The following HSPA1L variants were observed in gnomAD, a reference collection of about 807,000 sequenced individuals.
The protein encoded by HSPA1L is heat shock protein family A (Hsp70) member 1 like, also known as heat shock 70 kDa protein 1-like.
A neutral mutation model predicts 31.5 loss-of-function variants in HSPA1L; 21 were observed. The ratio of observed to expected loss-of-function variants is 0.67; its 90% CI spans 0.47 to 0.96. The LOEUF (loss-of-function observed/expected upper bound fraction) is 0.96. Ranked by LOEUF, HSPA1L falls within the 40% of genes least tolerant of loss-of-function variation. The pLI is 0.00. For synonymous variants in HSPA1L, 293 were observed against 323.1 expected (o/e 0.91, Z 1.00); for missense variants, 709 against 813.4 (o/e 0.87, Z 1.56).
chr6:31,811,150 T>C lies in HSPA1L; in HGVS notation c.823A>G (p.Thr275Ala). The change falls in exon 2 of 2, where the codon ACC becomes GCC. Residue 275 changes from threonine to alanine, a missense_variant. Physicochemically the swap from Thr to Ala is moderately conservative, Grantham distance 58. Coordinates refer to ENST00000375654, the MANE Select transcript of HSPA1L (RefSeq NM_005527.4). ...LRTACERAKR[T>A]LSSSTQANLE... The stretch of plus-strand genomic sequence containing the variant: ...TTGGCCTGGGTGCTGGACGACAGGG[T>C]CCTCTTGGCCCTCTCGCAGGCGGTG... 1 of 1,614,168 alleles carries C rather than the reference T, an allele frequency of 6.2e-7. No homozygotes were observed. The highest frequency in any genetic ancestry group is 8.5e-7 in the Non-Finnish European group (1 of 1,180,034).
rs753615095 is a variant in HSPA1L, at chr6:31,810,057, T to C, written c.1916A>G (p.Glu639Gly). The C allele has an allele frequency of 1.4e-6, 2 of 1,415,400 alleles. No individual in the cohort carries two copies. The highest frequency in any genetic ancestry group is 1.8e-6 in the Non-Finnish European group (2 of 1,083,382). The allele number at this position is 1,415,400 out of a possible 1,614,324, so 87.7% of individuals were successfully genotyped here. The change falls in exon 2 of 2, where the codon GAA (glutamate) becomes GGA (glycine). Residue 639 changes from glutamate (E) to glycine (G), a missense_variant. Coordinates refer to ENST00000375654, the MANE Select transcript of HSPA1L (RefSeq NM_005527.4). ...GRPATGPTIEEVD is the reference protein window; with the variant it reads ...GRPATGPTIEGVD ...CAGTTCTAAAAAGAATTAATCTACT[T>C]CTTCAATTGTGGGGCCTGTGGCAGG...
chr6:31,812,110 C>T (rs1815468737), intron 1 of HSPA1L, 125 bp from the exon 2 acceptor site: 2 of 1,185,034 alleles, frequency 1.7e-6, no homozygotes, highest in Non-Finnish European at 2.3e-6. Flanking sequence ...CTCACTGCAG[C>T]TTTGATCTCC....
chr6:31,814,920 A>T lies in HSPA1L; in HGVS notation c.-45T>A, dbSNP rs1008488145. ...TCCCGACGCCTTCGCTTCAGTTTGG[A>T]AACGTCCAGATTACGCAGCCCCAGC... On this transcript the variant is annotated 5_prime_UTR_variant, in exon 1 of 2. Coordinates refer to ENST00000375654, the MANE Select transcript of HSPA1L (RefSeq NM_005527.4). 1.0e-6 allele frequency: 1 copy of T among 985,574 alleles called. No homozygotes were observed. Among genetic ancestry groups the T allele is most frequent in the Non-Finnish European group, 1.2e-6 (1 of 830,138 alleles). The allele number at this position is 985,574 out of a possible 1,614,324, so 61.1% of individuals were successfully genotyped here. A position where few individuals can be genotyped will look rare whatever the true frequency, so the allele number is the denominator to read the frequency against.
Position 31,810,742 on chromosome 6 carries a change from C to T in HSPA1L, c.1231G>A (p.Val411Met), listed in dbSNP as rs777675880. The T allele has an allele frequency of 3.3e-5, 54 of 1,613,916 alleles. No homozygotes were observed. The highest frequency in any genetic ancestry group is 4.2e-5 in the Non-Finnish European group (49 of 1,180,006). The change falls in exon 2 of 2, where the codon GTG (valine) becomes ATG (methionine). Residue 411 changes from valine to methionine, a missense_variant. By Grantham distance (21) the Val-to-Met change is conservative. Coordinates refer to ENST00000375654, the MANE Select transcript of HSPA1L (RefSeq NM_005527.4). ...TTGCGCTTTATCAGGGCAGTCATCACGCCCCCAGCCGTCTCCAGCCCCAGG... is the reference window on the plus strand; with the variant it reads ...TTGCGCTTTATCAGGGCAGTCATCATGCCCCCAGCCGTCTCCAGCCCCAGG... ...LSLGLETAGG[V>M]MTALIKRNST...
chr6:31,812,546 C>T (rs888810867), intron 1 of HSPA1L, among the ~76,000 whole-genome samples: 1 of 152,090 alleles, frequency 6.6e-6, no homozygotes, highest in East Asian at 1.9e-4. Flanking sequence ...TCTCAAACTC[C>T]TTCAGGGCTC....
chr6:31,810,839 T>C lies in HSPA1L; in HGVS notation c.1134A>G (p.Gln378=). The change falls in exon 2 of 2, where the codon CAA becomes CAG. Residue 378 remains glutamine (Q), a synonymous_variant. Transcript: ENST00000375654. ...DEAVAYGAAV[Q]AAILMGDKSE... ...ACTTGTCCCCCATCAGGATGGCTGC[T>C]TGTACCGCAGCCCCATATGCTACGG... The C allele has an allele frequency of 6.2e-7, 1 of 1,614,082 alleles. No homozygotes were observed. The highest frequency in any genetic ancestry group is 8.5e-7 in the Non-Finnish European group (1 of 1,179,970).
rs1269911192 is a variant in HSPA1L at position 31,810,826 on chromosome 6, T to C, written c.1147A>G (p.Met383Val). 6.2e-7 allele frequency: 1 copy of C among 1,614,154 alleles called. No individual in the cohort carries two copies. Among genetic ancestry groups the C allele is most frequent in the Admixed American group, 1.7e-5 (1 of 60,016 alleles). The change falls in exon 2 of 2, where the codon ATG becomes GTG. Residue 383 changes from methionine (M) to valine (V), a missense_variant. Met to Val is a conservative substitution (Grantham distance 21). Coordinates refer to ENST00000375654, the MANE Select transcript of HSPA1L (RefSeq NM_005527.4). ...YGAAVQAAIL[M>V]GDKSEKVQDL... ...TGTACCTTCTCAGACTTGTCCCCCA[T>C]CAGGATGGCTGCTTGTACCGCAGCC... is the stretch of plus-strand genomic sequence containing the variant.
Position 31,810,943 on chromosome 6 carries a change from G to C in HSPA1L, c.1030C>G (p.Arg344Gly), listed in dbSNP as rs544557163. Residue 344 changes from arginine to glycine, a missense_variant, in exon 2 of 2, where the codon CGC becomes GGC. By Grantham distance (125) the Arg-to-Gly change is moderately radical (BLOSUM62 -2). Coordinates refer to ENST00000375654, the MANE Select transcript of HSPA1L (RefSeq NM_005527.4). ...AGCAGCCGCTGCACCTTGGGGATGC[G>C]GGTGGAGCCCCCTACTAAAACAATG... ...HDIVLVGGST[R>G]IPKVQRLLQD... is the part of the protein sequence containing the mutation. 11 of 1,613,992 alleles carry C rather than the reference G, an allele frequency of 6.8e-6. No individual in the cohort carries two copies. The highest frequency in any genetic ancestry group is 7.6e-6 in the Non-Finnish European group (9 of 1,180,010).
In HSPA1L at chr6:31,814,875, C is replaced by A. The variant is rs1311486710; in HGVS notation, c.-14+14G>T. The A allele has an allele frequency of 1.6e-5, 16 of 984,418 alleles. No homozygotes were observed. The East Asian group carries it at 1.5e-3, about 91-fold the overall frequency. 61.0% of individuals were successfully genotyped at this position (984,418 alleles called of 1,614,324 possible). A position where few individuals can be genotyped will look rare whatever the true frequency, so the allele number is the denominator to read the frequency against. On this transcript the variant is annotated intron_variant, in intron 1 of 1. Transcript: ENST00000375654. ...CTTTCAGGTTCACAATCAATCAGAT[C>A]CCTACTGGCTCACCTAGTCTCCCGA...
Position 31,815,098 on chromosome 6 carries a change from T to C in HSPA1L, c.-223A>G, listed in dbSNP as rs1471442341. ...CAGAGACAGTATCTCCATTGTAACG[T>C]GGCCGGGCGGTGTCAACACAAACGC... is the stretch of plus-strand genomic sequence containing the variant. On this transcript the variant is annotated 5_prime_UTR_variant, in exon 1 of 2. Coordinates refer to ENST00000375654, the MANE Select transcript of HSPA1L (RefSeq NM_005527.4). 3.2e-6 allele frequency: 3 copies of C among 928,134 alleles called. No individual in the cohort carries two copies. Among genetic ancestry groups the C allele is most frequent in the Non-Finnish European group, 3.9e-6 (3 of 773,920 alleles). 57.5% of individuals were successfully genotyped at this position (928,134 alleles called of 1,614,324 possible).
chr6:31,812,798 C>T (rs944129088), intron 1 of HSPA1L, among the ~76,000 whole-genome samples: 1 of 152,124 alleles, frequency 6.6e-6, no homozygotes, highest in Non-Finnish European at 1.5e-5. Flanking sequence ...TTTCCCCTCC[C>T]TTTATCGCCT....
chr6:31,811,441 G>A lies in HSPA1L; in HGVS notation c.532C>T (p.Pro178Ser), dbSNP rs1815408864. ...CCATAGGCAATGGCAGCAGCCGTGG[G>A]CTCATTGATGATTCTTAGCACATTA... ...GLNVLRIINEPTAAAIAYGLD... is the reference protein window; with the variant it reads ...GLNVLRIINESTAAAIAYGLD... The change falls in exon 2 of 2, where the codon CCC becomes TCC. Residue 178 changes from proline to serine, a missense_variant. Transcript: ENST00000375654. 6.2e-7 allele frequency: 1 copy of A among 1,614,098 alleles called. No homozygotes were observed. The highest frequency in any genetic ancestry group is 8.5e-7 in the Non-Finnish European group (1 of 1,180,016).
intron 1 of HSPA1L, among the ~76,000 whole-genome samples, 197 bp from the exon 2 acceptor site, chr6:31,812,182 A>AT (rs545105946): frequency 0.14 from 19,875 of 145,224 alleles, 1,551 homozygotes; most frequent in Admixed American, 0.2. Flanking sequence ...TGCCCGGCTA[A>AT]TTTTTTTTTT....
rs199562102 is a variant in HSPA1L at position 31,811,695 on chromosome 6, G to A, written c.278C>T (p.Pro93Leu). 57 of 1,614,178 alleles carry A rather than the reference G, an allele frequency of 3.5e-5. No individual in the cohort carries two copies. In the East Asian group the frequency reaches 1.2e-3, roughly 35 times the overall value. ...GCCTCCTTCATTAATCACTTGAAAA[G>A]GCCAAAGTTTCATATCTGCTTGTAC... ...PVVQADMKLW[P>L]FQVINEGGKP... The change falls in exon 2 of 2, where the codon CCT (proline) becomes CTT (leucine). Residue 93 changes from proline (P) to leucine (L), a missense_variant. Physicochemically the swap from Pro to Leu is moderately conservative, Grantham distance 98. Coordinates refer to ENST00000375654, the MANE Select transcript of HSPA1L (RefSeq NM_005527.4).
rs1815805158 is a variant in HSPA1L, at chr6:31,815,146, G to C, written c.-271C>G. 4.6e-6 allele frequency: 2 copies of C among 430,586 alleles called. No homozygotes were observed. Among genetic ancestry groups the C allele is most frequent in the Admixed American group, 5.3e-5 (1 of 18,722 alleles). 26.7% of individuals were successfully genotyped at this position (430,586 alleles called of 1,614,324 possible). On this transcript the variant is annotated 5_prime_UTR_variant, in exon 1 of 2. Transcript: ENST00000375654. ...CGCCCCCACCCTCCCCTGGACGCGC[G>C]TAACCCGCTCCCCGCACCAGCCCCC... is the stretch of plus-strand genomic sequence containing the variant.
At chr6:31,813,108 C>G (rs35570187) in intron 1 of HSPA1L, among the ~76,000 whole-genome samples, 15,854 of 152,208 alleles carry the variant, frequency 0.1, 967 homozygotes, top group African/African-American at 0.16. Flanking sequence ...TAGGCTTGAG[C>G]CAAGGCGCCC....
rs775900538 is a variant in HSPA1L at position 31,810,122 on chromosome 6, G to A, written c.1851C>T (p.Cys617=). Residue 617 remains cysteine, a synonymous_variant, in exon 2 of 2, where the codon TGC becomes TGT. Transcript: ENST00000375654. ...PIITKLYQGG[C]TGPACGTGYV... is the part of the protein sequence containing the mutation. ...ACCCTGTTCCGCAGGCAGGCCCAGT[G>A]CATCCTCCTTGGTAGAGTTTTGTGA... 9 of 1,497,194 alleles carry A rather than the reference G, an allele frequency of 6.0e-6. No individual in the cohort carries two copies. The African/African-American group carries it at 7.0e-5, about 12-fold the overall frequency. The allele number at this position is 1,497,194 out of a possible 1,614,324, so 92.7% of individuals were successfully genotyped here.
chr6:31,813,462 GC>G (rs1815580138), intron 1 of HSPA1L, among the ~76,000 whole-genome samples: 1 of 152,054 alleles, frequency 6.6e-6, no homozygotes, highest in Non-Finnish European at 1.5e-5. Context: ...GCACTGCCAC[GC>G]CCAGATAATT....
In HSPA1L at chr6:31,811,879, C is replaced by G. The variant is rs745365008; in HGVS notation, c.94G>C (p.Ala32Pro). The G allele has an allele frequency of 1.2e-6, 2 of 1,614,004 alleles. No individual in the cohort carries two copies. The highest frequency in any genetic ancestry group is 4.5e-5 in the East Asian group (2 of 44,894). Residue 32 changes from alanine (A) to proline (P), a missense_variant, in exon 2 of 2, where the codon GCC (alanine) becomes CCC (proline). By Grantham distance (27) the Ala-to-Pro change is conservative. Coordinates refer to ENST00000375654, the MANE Select transcript of HSPA1L (RefSeq NM_005527.4). ...VFQHGKVEII[A>P]NDQGNRTTPS... ...GTGGTGCGGTTGCCCTGGTCGTTGG[C>G]GATGATCTCCACCTTGCCGTGCTGG...
Sources: gnomAD v4.1 joint callset for allele counts (sites outside exome capture counted in the v4.1 genomes callset) on GRCh38, gnomAD v4.1.1 for gene constraint, MANE v1.5 for transcripts, NCBI Gene and HGNC (gene_info 2026-07-23, HGNC 2026-07-21) for gene names.